Variants in CNTN4 observed in about 807,000 individuals in gnomAD.
The protein encoded by CNTN4 is contactin 4, also known as contactin-4.
A neutral mutation model predicts 122.5 loss-of-function variants in CNTN4; 77 were observed. That is an observed-to-expected ratio of 0.63 (90% CI 0.52 to 0.76). The LOEUF (loss-of-function observed/expected upper bound fraction) is 0.76, where lower values mean the gene tolerates loss of function less well. Ranked by LOEUF, CNTN4 falls within the 30% of genes least tolerant of loss-of-function variation. The pLI, the probability that CNTN4 is intolerant of heterozygous loss-of-function variation, is 0.00. For synonymous variants in CNTN4, 512 were observed against 447.0 expected (o/e 1.15, Z -1.83); for missense variants, 1,256 against 1,259.1 (o/e 1.00, Z 0.04).
intron 2 of CNTN4, among the ~76,000 whole-genome samples, chr3:2,270,153 G>T (rs2041229008): frequency 2.0e-5 from 1 of 51,174 alleles, no homozygotes; most frequent in Admixed American, 2.5e-4. Flanking sequence ...GTTTCACCTT[G>T]TTAGCCAGGA....
At chr3:2,952,745 CT>C (rs1349808212) in intron 13 of CNTN4, among the ~76,000 whole-genome samples, 1 of 152,146 alleles carries the variant, frequency 6.6e-6, no homozygotes, top group Non-Finnish European at 1.5e-5. Flanking sequence ...TTCTTTAGAA[CT>C]GCTGTTTAAT....
At chr3:2,521,117 T>C (rs2077196465) in intron 3 of CNTN4, among the ~76,000 whole-genome samples, 1 of 152,138 alleles carries the variant, frequency 6.6e-6, no homozygotes, top group Non-Finnish European at 1.5e-5. Flanking sequence ...CAGCTGAACA[T>C]ACTTCTGTGG....
At chr3:2,294,814 C>A (rs2042249909) in intron 2 of CNTN4, among the ~76,000 whole-genome samples, 1 of 152,082 alleles carries the variant, frequency 6.6e-6, no homozygotes, top group South Asian at 2.1e-4. Context: ...TCTCCTAATG[C>A]TATCCCTCCC....
chr3:2,677,199 C>CTATATATATGTATATATATATA (rs1291302764), intron 4 of CNTN4, among the ~76,000 whole-genome samples: 37 of 148,778 alleles, frequency 2.5e-4, no homozygotes, highest in Non-Finnish European at 1.3e-4. Flanking sequence ...ATATATCTCT[C>CTATATATATGTATATATATATA]TCTATATATG....
At chr3:2,627,437 T>G (rs1432379487) in intron 4 of CNTN4, among the ~76,000 whole-genome samples, 2 of 152,094 alleles carry the variant, frequency 1.3e-5, no homozygotes, top group East Asian at 3.9e-4. Flanking sequence ...GCAGTAAACT[T>G]TGTTTACCAA....
chr3:2,527,301 T>G (rs1305050017), intron 3 of CNTN4, among the ~76,000 whole-genome samples: 1 of 152,220 alleles, frequency 6.6e-6, no homozygotes, highest in Non-Finnish European at 1.5e-5. Flanking sequence ...AAGTTTTAAT[T>G]GCTTACACTG....
At chr3:2,893,381 G>A (rs2094067175) in intron 10 of CNTN4, among the ~76,000 whole-genome samples, 1 of 152,162 alleles carries the variant, frequency 6.6e-6, no homozygotes, top group African/African-American at 2.4e-5. Flanking sequence ...GAAGCTTAAA[G>A]GACAGAGTAA....
intron 6 of CNTN4, among the ~76,000 whole-genome samples, chr3:2,790,216 T>C (rs570736794): frequency 6.6e-6 from 1 of 152,346 alleles, no homozygotes; most frequent in East Asian, 1.9e-4. Context: ...ATTTTCATCT[T>C]CTGAGTGCTA....
At chr3:2,731,206 T>C (rs2088654355) in intron 4 of CNTN4, among the ~76,000 whole-genome samples, 1 of 152,170 alleles carries the variant, frequency 6.6e-6, no homozygotes. Context: ...GACCCTTGTT[T>C]CTGGTCATGA....
chr3:2,865,619 A>T (rs2093715783), intron 7 of CNTN4, among the ~76,000 whole-genome samples: 1 of 152,182 alleles, frequency 6.6e-6, no homozygotes, highest in South Asian at 2.1e-4. Context: ...CATGTTGGCT[A>T]CTCAGTGCCA....
At chr3:2,545,745 T>G (rs1265586724) in intron 3 of CNTN4, among the ~76,000 whole-genome samples, 1 of 152,076 alleles carries the variant, frequency 6.6e-6, no homozygotes, top group Non-Finnish European at 1.5e-5. Flanking sequence ...TCCTTTATCT[T>G]GAGCCTGTGA....
At chr3:2,820,072 A>T (rs1286480093) in intron 7 of CNTN4, among the ~76,000 whole-genome samples, 1 of 152,186 alleles carries the variant, frequency 6.6e-6, no homozygotes, top group Non-Finnish European at 1.5e-5. Flanking sequence ...CCATTTTGAC[A>T]GTAACTACCC....
At chr3:2,655,273 A>G (rs1162202098) in intron 4 of CNTN4, among the ~76,000 whole-genome samples, 1 of 152,212 alleles carries the variant, frequency 6.6e-6, no homozygotes, top group African/African-American at 2.4e-5. Context: ...TAATAACTGT[A>G]ACTGCAAAGA....
chr3:2,208,169 A>G (rs1160579400), intron 2 of CNTN4, among the ~76,000 whole-genome samples: 1 of 152,204 alleles, frequency 6.6e-6, no homozygotes, highest in African/African-American at 2.4e-5. Context: ...TGGGCAAAGT[A>G]AATTTCAAAC....
intron 3 of CNTN4, among the ~76,000 whole-genome samples, chr3:2,370,847 C>A (rs76191001): frequency 6.6e-6 from 1 of 152,152 alleles, no homozygotes; most frequent in Admixed American, 6.5e-5. Context: ...CCCCCCACCT[C>A]CCTCTTTTGG....
intron 2 of CNTN4, among the ~76,000 whole-genome samples, chr3:2,252,659 C>A (rs894567992): frequency 3.9e-5 from 6 of 152,022 alleles, no homozygotes; most frequent in African/African-American, 1.2e-4. Flanking sequence ...GATTTAGAAT[C>A]CTGTCTACTA....
At chr3:2,883,296 G>A (rs748911212) in intron 9 of CNTN4, 49 bp downstream of exon 9, 8 of 1,408,580 alleles carry the variant, frequency 5.7e-6, no homozygotes, top group Admixed American at 1.8e-5. Context: ...GCTTGAGCAG[G>A]TATAGAGTTT....
At chr3:2,895,998 A>C (rs1225805172) in intron 10 of CNTN4, among the ~76,000 whole-genome samples, 1 of 152,166 alleles carries the variant, frequency 6.6e-6, no homozygotes, top group East Asian at 1.9e-4. Flanking sequence ...GCGCCACCGC[A>C]CTCTGGTCTG....
intron 4 of CNTN4, among the ~76,000 whole-genome samples, chr3:2,595,409 A>G (rs1475373760): frequency 6.6e-6 from 1 of 152,194 alleles, no homozygotes; most frequent in Non-Finnish European, 1.5e-5. Context: ...GGAAATTTAC[A>G]TATGTCAAGA....
Sources: allele counts gnomAD v4.1 joint callset (sites outside exome capture counted in the v4.1 genomes callset), GRCh38; gene constraint gnomAD v4.1.1; transcripts MANE v1.5; gene names NCBI Gene and HGNC (gene_info 2026-07-23, HGNC 2026-07-21).